The following COL5A1 variants were observed in gnomAD, a reference collection of about 807,000 sequenced individuals.
COL5A1 encodes the protein collagen alpha-1(V) chain.
A neutral mutation model predicts 263.7 loss-of-function variants in COL5A1; 16 were observed. The observed-to-expected ratio is 0.06, with a 90% CI of 0.04 to 0.09. The LOEUF is 0.09. Among genes scored for constraint, COL5A1 ranks in the 10% least tolerant of loss-of-function variants. The pLI is 1.00. For missense variants in COL5A1, 2,036 were observed against 2,540.5 expected (o/e 0.80, Z 4.27); for synonymous variants, 1,012 against 1,004.5 (o/e 1.01, Z -0.14).
chr9:134,799,024 A>G (rs2132813201), intron 37 of COL5A1, among the ~76,000 whole-genome samples: 1 of 152,262 alleles, frequency 6.6e-6, no homozygotes, highest in South Asian at 2.1e-4. Flanking sequence ...GATGCCTGCA[A>G]TGTCCCTTTT....
chr9:134,793,390 G>GA (rs201583587), intron 32 of COL5A1, among the ~76,000 whole-genome samples: 117 of 151,794 alleles, frequency 7.7e-4, no homozygotes, highest in African/African-American at 2.5e-3. Context: ...AGGCTGGGGG[G>GA]GGCATTCTGT....
chr9:134,697,959 C>G (rs565349812), intron 2 of COL5A1, among the ~76,000 whole-genome samples: 2 of 152,304 alleles, frequency 1.3e-5, no homozygotes, highest in South Asian at 4.1e-4. Flanking sequence ...TGGTGTGGAC[C>G]TGTAGTCCCA....
intron 1 of COL5A1, among the ~76,000 whole-genome samples, chr9:134,650,189 A>C (rs1438158249): frequency 6.6e-6 from 1 of 152,202 alleles, no homozygotes; most frequent in Non-Finnish European, 1.5e-5. Flanking sequence ...TATAATAAAA[A>C]AAATTTTTTT....
chr9:134,795,717 G>A (rs76092400), intron 34 of COL5A1, among the ~76,000 whole-genome samples: 5,142 of 152,370 alleles, frequency 0.034, 110 homozygotes, highest in South Asian at 0.087. Context: ...TTTCTGGCAG[G>A]GGAAGGCCCA....
In COL5A1 at chr9:134,755,615, C is replaced by A. The variant is rs145057669; in HGVS notation, c.1828-1150C>A. 2.8e-4 allele frequency among the ~76,000 whole-genome samples: 43 copies of A among 152,218 alleles called. No homozygotes were observed. Among genetic ancestry groups the A allele is most frequent in the Admixed American group, 2.4e-3 (36 of 15,282 alleles). Reference sequence around the variant, plus strand: ...ATTGTAGAAGCATCTGGGTGCTTTGCGGGGCTGAGTTGTGCTGTGAAATCC... The same window carrying A: ...ATTGTAGAAGCATCTGGGTGCTTTGAGGGGCTGAGTTGTGCTGTGAAATCC... On this transcript the variant is annotated intron_variant, in intron 16 of 65. Transcript: ENST00000371817. The surrounding 1 kb of genome is among the most constrained non-coding windows in gnomAD (Gnocchi z 4.1).
chr9:134,760,896 C>T (rs561851212), intron 18 of COL5A1, among the ~76,000 whole-genome samples: 15 of 149,646 alleles, frequency 1.0e-4, no homozygotes, highest in African/African-American at 2.7e-4. Flanking sequence ...TACCCACACA[C>T]GCATACACAC....
At chr9:134,748,114 CACAGACATGCATCCACACATGCATA>C (rs1446475121) in intron 11 of COL5A1, among the ~76,000 whole-genome samples, 24 of 81,468 alleles carry the variant, frequency 2.9e-4, no homozygotes, top group Admixed American at 1.2e-3. Context: ...CACATGCATA[CACAGACATGCATCCACACATGCATA>C]CACATGCATT....
chr9:134,679,869 G>C (rs1832804022), intron 1 of COL5A1, among the ~76,000 whole-genome samples: 1 of 152,020 alleles, frequency 6.6e-6, no homozygotes, highest in Non-Finnish European at 1.5e-5. Context: ...CCCTCTTACA[G>C]ATAATGACAG....
chr9:134,695,409 G>A (rs73665736), intron 2 of COL5A1, among the ~76,000 whole-genome samples: 4 of 152,310 alleles, frequency 2.6e-5, no homozygotes, highest in Admixed American at 1.3e-4. Flanking sequence ...AGCCAGTTGC[G>A]CTGGGCCCTG....
intron 18 of COL5A1, among the ~76,000 whole-genome samples, chr9:134,759,316 TCATA>T (rs1836129584): frequency 1.0e-5 from 1 of 98,930 alleles, no homozygotes; most frequent in Non-Finnish European, 2.0e-5. Flanking sequence ...ACCCCCACAC[TCATA>T]CACACATGCA....
At chr9:134,822,835 G>GACC in intron 59 of COL5A1, 163 bp from the exon 60 acceptor site, 1 of 838,494 alleles carries the variant, frequency 1.2e-6, no homozygotes, top group Non-Finnish European at 1.9e-6. Flanking sequence ...GCCAGGCCCC[G>GACC]ACCCTCCTCC....
At chr9:134,837,740 T>A (rs758027426) in intron 65 of COL5A1, among the ~76,000 whole-genome samples, 1 of 151,898 alleles carries the variant, frequency 6.6e-6, no homozygotes, top group Non-Finnish European at 1.5e-5. Context: ...TTGCAAGACA[T>A]TCCACTTTGC....
intron 20 of COL5A1, 42 bp downstream of exon 20, chr9:134,763,779 G>A (rs368784912): frequency 1.9e-6 from 3 of 1,595,596 alleles, no homozygotes; most frequent in Non-Finnish European, 1.7e-6. Context: ...GCTCAGTGTG[G>A]AGAAAGGCTT....
At chr9:134,799,608 T>G (rs1838037046) in intron 37 of COL5A1, among the ~76,000 whole-genome samples, 1 of 152,238 alleles carries the variant, frequency 6.6e-6, no homozygotes, top group Non-Finnish European at 1.5e-5. Context: ...CTGAGTGCCC[T>G]GTTGAATATA....
Position 134,815,948 on chromosome 9 carries a change from C to T in COL5A1, c.4082C>T (p.Pro1361Leu). ...TTGCCTCCATAGGGTCAAGATGGTC[C>T]CCCTGGTGACAAAGGAGATGATGGT... ...GEPGPAGQDG[P>L]PGDKGDDGEP... The change falls in exon 52 of 66, where the codon CCC becomes CTC. Residue 1361 changes from proline (P) to leucine (L), a missense_variant. Physicochemically the swap from Pro to Leu is moderately conservative, Grantham distance 98. This residue lies in a region of COL5A1 where 1,078 missense variants were observed against 1,521.4 expected (regional missense o/e 0.71). Transcript: ENST00000371817. The T allele has an allele frequency of 1.2e-6, 2 of 1,614,082 alleles. No homozygotes were observed. The highest frequency in any genetic ancestry group is 1.6e-4 in the Middle Eastern group (1 of 6,062).
In COL5A1 at chr9:134,752,617, T is replaced by C; in HGVS notation, c.1691T>C (p.Met564Thr). The C allele has an allele frequency of 6.2e-7, 1 of 1,613,742 alleles. No individual in the cohort carries two copies. Among genetic ancestry groups the C allele is most frequent in the Non-Finnish European group, 8.5e-7 (1 of 1,179,816 alleles). ...RLALRGPAGP[M>T]GLTGRPGPVG... Reference sequence around the variant, plus strand: ...GCACTGAGGGGACCAGCTGGCCCGATGGGTCTCACAGGGAGACCTGGCCCT... The same window carrying C: ...GCACTGAGGGGACCAGCTGGCCCGACGGGTCTCACAGGGAGACCTGGCCCT... The change falls in exon 14 of 66, where the codon ATG (methionine) becomes ACG (threonine). Residue 564 changes from methionine (M) to threonine (T), a missense_variant. Coordinates refer to ENST00000371817, the MANE Select transcript of COL5A1 (RefSeq NM_000093.5).
chr9:134,648,527 T>C (rs59699848), intron 1 of COL5A1, among the ~76,000 whole-genome samples: 30,991 of 151,824 alleles, frequency 0.2, 3,915 homozygotes, highest in African/African-American at 0.34. Context: ...TTTCCCACCC[T>C]GTGCCTCACT....
At chr9:134,759,453 A>C (rs1413447281) in intron 18 of COL5A1, among the ~76,000 whole-genome samples, 1 of 106,430 alleles carries the variant, frequency 9.4e-6, no homozygotes, top group East Asian at 4.2e-4. Context: ...ACACCCACAC[A>C]CTCATACATG....
At chr9:134,674,220 C>G (rs571001265) in intron 1 of COL5A1, among the ~76,000 whole-genome samples, 51 of 152,246 alleles carry the variant, frequency 3.3e-4, no homozygotes, top group African/African-American at 1.2e-3. Flanking sequence ...TATGTGAGCA[C>G]TCATGTGCTG....
Sources: allele counts gnomAD v4.1 joint callset (sites outside exome capture counted in the v4.1 genomes callset), GRCh38; gene constraint gnomAD v4.1.1; regional missense constraint gnomAD v4.1.1; non-coding constraint Gnocchi (gnomAD v3.1); transcripts MANE v1.5; gene names NCBI Gene and HGNC (gene_info 2026-07-23, HGNC 2026-07-21).